SNTG2: variants seen among roughly 807,000 people sequenced by gnomAD.
SNTG2 encodes syntrophin gamma 2, also known as gamma-2-syntrophin.
In SNTG2, 74 loss-of-function variants were observed where a neutral mutation model predicts 70.9. That is an observed-to-expected ratio of 1.04 (90% CI 0.86 to 1.27). The LOEUF (loss-of-function observed/expected upper bound fraction) is 1.27, where lower values mean the gene tolerates loss of function less well. Ranked by LOEUF, SNTG2 falls within the 50% of genes most tolerant of loss-of-function variation. SNTG2 has a pLI of 0.00. For synonymous variants in SNTG2, 278 were observed against 273.8 expected (o/e 1.02, Z -0.15); for missense variants, 717 against 690.7 (o/e 1.04, Z -0.43).
At chr2:1,033,210 T>C (rs1251748688) in intron 1 of SNTG2, among the ~76,000 whole-genome samples, 3 of 152,182 alleles carry the variant, frequency 2.0e-5, no homozygotes, top group African/African-American at 7.2e-5. Context: ...TCCCAGTTGG[T>C]ACTGCAGCCT....
chr2:1,231,156 AG>A (rs1351257982), intron 9 of SNTG2, among the ~76,000 whole-genome samples: 1 of 151,072 alleles, frequency 6.6e-6, no homozygotes, highest in African/African-American at 2.5e-5. Flanking sequence ...TGACCTACTT[AG>A]GATAATGACA....
intron 6 of SNTG2, among the ~76,000 whole-genome samples, chr2:1,164,561 A>G (rs1483110484): frequency 5.8e-4 from 67 of 115,146 alleles, no homozygotes; most frequent in African/African-American, 1.6e-3. Context: ...GGAGAGGGCG[A>G]GGTGGGATAT....
intron 9 of SNTG2, among the ~76,000 whole-genome samples, chr2:1,213,132 TG>T (rs1357361100): frequency 1.5e-4 from 23 of 152,240 alleles, no homozygotes; most frequent in African/African-American, 5.1e-4. Flanking sequence ...TAATGTACAA[TG>T]TTATGTTTCA....
intron 9 of SNTG2, among the ~76,000 whole-genome samples, chr2:1,234,230 C>A (rs1266875322): frequency 6.6e-6 from 1 of 152,120 alleles, no homozygotes; most frequent in Non-Finnish European, 1.5e-5. Context: ...TGCCTGAAAG[C>A]AGATTGCGTG....
chr2:1,133,022 A>G (rs1335286362), intron 4 of SNTG2, among the ~76,000 whole-genome samples: 1 of 152,198 alleles, frequency 6.6e-6, no homozygotes, highest in African/African-American at 2.4e-5. Context: ...TCAGTGTCTA[A>G]TCAGACATGC....
intron 14 of SNTG2, among the ~76,000 whole-genome samples, chr2:1,288,806 A>T (rs929842995): frequency 2.6e-5 from 4 of 152,152 alleles, no homozygotes; most frequent in Non-Finnish European, 4.4e-5. Context: ...GTATTCACAC[A>T]TGCTCATGCC....
intron 14 of SNTG2, among the ~76,000 whole-genome samples, chr2:1,305,857 C>T (rs1029151262): frequency 2.0e-5 from 3 of 152,088 alleles, no homozygotes; most frequent in East Asian, 1.9e-4. Context: ...TGTCCTGTGC[C>T]GTAAAGATGG....
At chr2:1,286,173 A>T (rs1391003839) in intron 14 of SNTG2, among the ~76,000 whole-genome samples, 2 of 152,160 alleles carry the variant, frequency 1.3e-5, no homozygotes, top group Non-Finnish European at 2.9e-5. Flanking sequence ...AGGACAGCAG[A>T]ACATAATGTC....
intron 15 of SNTG2, among the ~76,000 whole-genome samples, chr2:1,310,936 A>T (rs1680954320): frequency 6.6e-6 from 1 of 152,188 alleles, no homozygotes; most frequent in Admixed American, 6.5e-5. Flanking sequence ...AGACCGTCCA[A>T]CTCAGCTGAG....
intron 16 of SNTG2, among the ~76,000 whole-genome samples, chr2:1,355,382 C>T (rs1414452851): frequency 6.6e-6 from 1 of 152,194 alleles, no homozygotes; most frequent in Non-Finnish European, 1.5e-5. Context: ...CAGCCCCATG[C>T]TACTCCCCCT....
chr2:1,156,789 G>A (rs1245722453), intron 6 of SNTG2, among the ~76,000 whole-genome samples: 2 of 152,228 alleles, frequency 1.3e-5, no homozygotes, highest in African/African-American at 2.4e-5. Context: ...CCCTGCCTGC[G>A]TGGGGGTAGG....
chr2:1,291,690 G>A (rs1340844751), intron 14 of SNTG2, among the ~76,000 whole-genome samples: 1 of 152,156 alleles, frequency 6.6e-6, no homozygotes, highest in Non-Finnish European at 1.5e-5. Flanking sequence ...TCTCTGTTCT[G>A]TTCCATTGAT....
intron 16 of SNTG2, among the ~76,000 whole-genome samples, chr2:1,318,661 A>C (rs1280858951): frequency 6.6e-6 from 1 of 152,228 alleles, no homozygotes; most frequent in Non-Finnish European, 1.5e-5. Context: ...GAGAGGCTTG[A>C]CATCAGTTTC....
intron 16 of SNTG2, among the ~76,000 whole-genome samples, chr2:1,365,606 GGT>G (rs778901953): frequency 6.6e-5 from 10 of 152,050 alleles, no homozygotes; most frequent in Non-Finnish European, 1.2e-4. Context: ...TGGCATTAGT[GGT>G]ATTAGAACAA....
intron 12 of SNTG2, among the ~76,000 whole-genome samples, chr2:1,247,999 T>C (rs1028315485): frequency 2.0e-5 from 3 of 152,154 alleles, no homozygotes; most frequent in Non-Finnish European, 4.4e-5. Context: ...GTCTAGAAGT[T>C]TATCAATTTA....
chr2:1,027,204 G>A (rs1291178541), intron 1 of SNTG2, among the ~76,000 whole-genome samples: 2 of 152,180 alleles, frequency 1.3e-5, no homozygotes, highest in Non-Finnish European at 2.9e-5. Flanking sequence ...AGATGCTCCC[G>A]GGCCCACAGT....
chr2:979,828 G>A (rs1036180225), intron 1 of SNTG2, among the ~76,000 whole-genome samples: 2 of 151,916 alleles, frequency 1.3e-5, no homozygotes, highest in African/African-American at 2.4e-5. Context: ...CACATTGAAT[G>A]TCCACAGAGA....
At chr2:1,019,214 G>A (rs1660018923) in intron 1 of SNTG2, among the ~76,000 whole-genome samples, 2 of 152,290 alleles carry the variant, frequency 1.3e-5, no homozygotes, top group Admixed American at 1.3e-4. Flanking sequence ...TGGGCAATGA[G>A]GTTGAAATCA....
chr2:1,148,520 T>G (rs1487586065), intron 6 of SNTG2, among the ~76,000 whole-genome samples: 1 of 152,200 alleles, frequency 6.6e-6, no homozygotes, highest in Non-Finnish European at 1.5e-5. Context: ...GCTAAGGACC[T>G]GCCTGTGAGC....
Sources: allele counts gnomAD v4.1 joint callset (sites outside exome capture counted in the v4.1 genomes callset), GRCh38; gene constraint gnomAD v4.1.1; transcripts MANE v1.5; gene names NCBI Gene and HGNC (gene_info 2026-07-23, HGNC 2026-07-21).